Variants in FAF1 observed in about 807,000 individuals in gnomAD.
FAF1 encodes the protein Fas associated factor 1.
Under a neutral mutation model 92.5 loss-of-function variants are expected in FAF1, and 25 were observed. The observed-to-expected ratio is 0.27, with a 90% CI of 0.20 to 0.38. FAF1 has a LOEUF of 0.38. Ranked by LOEUF, FAF1 falls within the 10% of genes least tolerant of loss-of-function variation. The pLI is 1.00. For synonymous variants in FAF1, 234 were observed against 273.2 expected (o/e 0.86, Z 1.42); for missense variants, 636 against 793.3 (o/e 0.80, Z 2.38).
chr1:50,725,736 G>A (rs374510990), intron 6 of FAF1, among the ~76,000 whole-genome samples: 6 of 152,192 alleles, frequency 3.9e-5, no homozygotes, highest in Non-Finnish European at 5.9e-5. Flanking sequence ...GATTATAGGC[G>A]TGAGCCACCA....
chr1:50,539,570 C>A, intron 14 of FAF1, 22 bp downstream of exon 14: 1 of 1,592,672 alleles, frequency 6.3e-7, no homozygotes. Flanking sequence ...AGGCTTTACT[C>A]TCCTTGTGAC....
intron 1 of FAF1, among the ~76,000 whole-genome samples, chr1:50,931,968 C>A (rs1443043368): frequency 2.8e-5 from 4 of 142,922 alleles, no homozygotes; most frequent in African/African-American, 9.9e-5. Flanking sequence ...ATTACCTCCC[C>A]CCAGGTCCCT....
intron 6 of FAF1, among the ~76,000 whole-genome samples, chr1:50,720,826 T>C (rs761391106): frequency 6.6e-6 from 1 of 152,194 alleles, no homozygotes; most frequent in Non-Finnish European, 1.5e-5. Context: ...AGAGACCTTT[T>C]ATTTGTATAA....
intron 6 of FAF1, among the ~76,000 whole-genome samples, chr1:50,730,191 T>C (rs1658858502): frequency 6.6e-6 from 1 of 152,168 alleles, no homozygotes; most frequent in Non-Finnish European, 1.5e-5. Context: ...TAGTACTTCA[T>C]ATTTTATATA....
At chr1:50,864,903 A>G (rs1300906580) in intron 1 of FAF1, among the ~76,000 whole-genome samples, 3 of 152,154 alleles carry the variant, frequency 2.0e-5, no homozygotes, top group African/African-American at 7.2e-5. Context: ...GTGAACAAGC[A>G]ACCTACAAAA....
intron 4 of FAF1, among the ~76,000 whole-genome samples, chr1:50,782,357 G>A (rs947315545): frequency 2.6e-5 from 4 of 151,900 alleles, no homozygotes; most frequent in Non-Finnish European, 5.9e-5. Flanking sequence ...TGACCCTGTG[G>A]TAGGCCTAGG....
chr1:50,923,600 T>C (rs1433155302), intron 1 of FAF1, among the ~76,000 whole-genome samples: 1 of 151,782 alleles, frequency 6.6e-6, no homozygotes, highest in Non-Finnish European at 1.5e-5. Context: ...TACCCTGATA[T>C]CAAAACCAGG....
chr1:50,482,763 A>G (rs1646718162), intron 17 of FAF1, among the ~76,000 whole-genome samples: 1 of 152,146 alleles, frequency 6.6e-6, no homozygotes, highest in Admixed American at 6.5e-5. Flanking sequence ...AAAAATTTTG[A>G]GCATATTTTG....
intron 18 of FAF1, among the ~76,000 whole-genome samples, chr1:50,454,456 G>A (rs903142594): frequency 6.6e-6 from 1 of 152,200 alleles, no homozygotes; most frequent in African/African-American, 2.4e-5. Flanking sequence ...CTGTAACAGA[G>A]TTAATCATAG....
At chr1:50,683,094 A>C (rs992012289) in intron 7 of FAF1, among the ~76,000 whole-genome samples, 3 of 152,178 alleles carry the variant, frequency 2.0e-5, no homozygotes, top group African/African-American at 7.2e-5. Context: ...TTTAACAAGA[A>C]ATTAAAAATA....
At chr1:50,908,203 G>C (rs1279532622) in intron 1 of FAF1, among the ~76,000 whole-genome samples, 3 of 152,194 alleles carry the variant, frequency 2.0e-5, no homozygotes, top group Admixed American at 6.5e-5. Context: ...TCTTAATCCT[G>C]AGTTCTAGTT....
At chr1:50,948,725 C>T (rs764603537) in intron 1 of FAF1, among the ~76,000 whole-genome samples, 11 of 152,024 alleles carry the variant, frequency 7.2e-5, no homozygotes, top group African/African-American at 2.7e-4. Flanking sequence ...GGGGTTTCAC[C>T]ATGTTGGCCA....
intron 4 of FAF1, among the ~76,000 whole-genome samples, chr1:50,767,801 C>G (rs922387845): frequency 3.9e-5 from 6 of 152,092 alleles, no homozygotes; most frequent in African/African-American, 1.4e-4. Context: ...TAAGGGTGTG[C>G]TAAATATGGA....
At chr1:50,739,381 C>T (rs972519031) in intron 5 of FAF1, among the ~76,000 whole-genome samples, 9 of 147,876 alleles carry the variant, frequency 6.1e-5, no homozygotes, top group Admixed American at 4.7e-4. Context: ...CATACATATA[C>T]ATATATGTGT....
At chr1:50,445,072 G>T (rs1297850959) in intron 18 of FAF1, among the ~76,000 whole-genome samples, 1 of 152,152 alleles carries the variant, frequency 6.6e-6, no homozygotes, top group Non-Finnish European at 1.5e-5. Context: ...GGTTATCTGA[G>T]GTAGGGACAA....
intron 18 of FAF1, among the ~76,000 whole-genome samples, chr1:50,447,855 C>T (rs1463295510): frequency 1.3e-5 from 2 of 152,202 alleles, no homozygotes; most frequent in African/African-American, 4.8e-5. Context: ...CTGAATTCCT[C>T]TGTGCTGACT....
intron 7 of FAF1, among the ~76,000 whole-genome samples, chr1:50,669,213 T>C (rs769449296): frequency 6.6e-6 from 1 of 152,174 alleles, no homozygotes; most frequent in Non-Finnish European, 1.5e-5. Flanking sequence ...ACGGGGTTTC[T>C]CTAATCTCAG....
chr1:50,819,730 CATATATATACATATATATATACATAT>C (rs1644019957), intron 2 of FAF1, among the ~76,000 whole-genome samples: 3 of 35,890 alleles, frequency 8.4e-5, no homozygotes, highest in Admixed American at 4.4e-4. Flanking sequence ...TATATATATA[CATATATATACATATATATATACATAT>C]ATATATACGT....
chr1:50,562,194 A>G (rs1311992194), intron 13 of FAF1, among the ~76,000 whole-genome samples: 1 of 152,192 alleles, frequency 6.6e-6, no homozygotes, highest in East Asian at 1.9e-4. Flanking sequence ...AGTTAAATCT[A>G]TGATGGTTTT....
Sources: gnomAD v4.1 joint callset for allele counts (sites outside exome capture counted in the v4.1 genomes callset) on GRCh38, gnomAD v4.1.1 for gene constraint, MANE v1.5 for transcripts, NCBI Gene and HGNC (gene_info 2026-07-23, HGNC 2026-07-21) for gene names.